The following ABCA4 variants were observed in gnomAD, a reference collection of about 807,000 sequenced individuals.
ABCA4 encodes the protein ATP binding cassette subfamily A member 4.
Under a neutral mutation model 263.7 loss-of-function variants are expected in ABCA4, and 196 were observed. The ratio of observed to expected loss-of-function variants is 0.74; its 90% CI spans 0.66 to 0.84. The LOEUF is 0.84. Ranked by LOEUF, ABCA4 falls within the 40% of genes least tolerant of loss-of-function variation. The probability of loss-of-function intolerance (pLI) is 0.00; values close to 1 mark genes in which losing one functional copy is unlikely to be tolerated. For missense variants in ABCA4, 2,792 were observed against 2,855.1 expected, an observed-to-expected ratio of 0.98 and a Z score of 0.50; for synonymous variants, 1,133 against 1,094.2, an observed-to-expected ratio of 1.04 and a Z score of -0.70.
rs746541266 is a variant in ABCA4 at position 94,032,035 on chromosome 1, G to A, written c.3871C>T (p.Gln1291Ter). Residue 1291 changes from glutamine to a stop codon, truncating the protein, a stop_gained, in exon 27 of 50, where the codon CAG (glutamine) becomes TAG (stop). Transcript: ENST00000370225. LOFTEE classifies it high-confidence loss of function. The part of the protein sequence containing the change: ...DSGPLFAGGA[Q>*]QKRENVNPRH... The stretch of plus-strand genomic sequence containing the variant: ...GGGTTGACGTTTTCTCTTTTCTGCT[G>A]AGCGCCACCTGTTTTGAGAGATTGA... 6.2e-7 allele frequency: 1 copy of A among 1,611,362 alleles called. No individual in the cohort carries two copies. The highest frequency in any genetic ancestry group is 8.5e-7 in the Non-Finnish European group (1 of 1,180,012).
At chr1:94,112,285 A>T (rs1434921808) in intron 2 of ABCA4, among the ~76,000 whole-genome samples, 3 of 152,196 alleles carry the variant, frequency 2.0e-5, no homozygotes, top group African/African-American at 7.2e-5. Flanking sequence ...ATTGTATAGC[A>T]TCTCTTGTCC....
In ABCA4 at chr1:94,021,849, G is replaced by A. The variant is rs1332875511; in HGVS notation, c.4770C>T (p.Ser1590=). 9 of 1,613,982 alleles carry A rather than the reference G, an allele frequency of 5.6e-6. No individual in the cohort carries two copies. Among genetic ancestry groups the A allele is most frequent in the Admixed American group, 1.7e-5 (1 of 60,016 alleles). The change falls in exon 33 of 50, where the codon AGC becomes AGT. Residue 1590 remains serine, a synonymous_variant. Transcript: ENST00000370225. ...LSDLGRIMNV[S]GGPITREASK... is the part of the protein sequence containing the mutation. ...AATCTCCAGTCTGTTTACATACCCC[G>A]CTCACATTCATGATCCGGCCAAGGT... is the stretch of plus-strand genomic sequence containing the variant.
chr1:94,013,736 T>G (rs1659640680), intron 38 of ABCA4, among the ~76,000 whole-genome samples: 1 of 152,186 alleles, frequency 6.6e-6, no homozygotes, highest in South Asian at 2.1e-4. Context: ...GCTTGGCAGC[T>G]CATAAAAGTG....
At position 94,014,684 on chromosome 1, in the gene ABCA4, C is replaced by A; in HGVS notation, c.5319G>T (p.Ala1773=). Residue 1773 remains alanine (A), a synonymous_variant, in exon 38 of 50, where the codon GCG becomes GCT. Coordinates refer to ENST00000370225, the MANE Select transcript of ABCA4 (RefSeq NM_000350.3). ...LVALLLLYGW[A]VIPMMYPASF... ...ATGCTGGGTACATCATGGGAATGAC[C>A]GCCCATCTGTGTGAAATGAGACAAC... is the stretch of plus-strand genomic sequence containing the variant. 6.2e-7 allele frequency: 1 copy of A among 1,614,080 alleles called. No homozygotes were observed.
chr1:94,103,509 G>T (rs1454803135), intron 4 of ABCA4, among the ~76,000 whole-genome samples: 2 of 152,168 alleles, frequency 1.3e-5, no homozygotes. Flanking sequence ...ACATTTCTGG[G>T]TGTCACAACT....
At chr1:94,087,169 A>G (rs1661853992) in intron 6 of ABCA4, among the ~76,000 whole-genome samples, 1 of 152,218 alleles carries the variant, frequency 6.6e-6, no homozygotes, top group African/African-American at 2.4e-5. Context: ...GAAGATTTCA[A>G]CATATGAATT....
intron 26 of ABCA4, among the ~76,000 whole-genome samples, chr1:94,033,383 C>T (rs117864820): frequency 3.4e-5 from 5 of 146,414 alleles, no homozygotes; most frequent in East Asian, 2.0e-4. Flanking sequence ...ATGATCGAGC[C>T]GCTGTATTCC....
chr1:94,071,906 C>G (rs953281944), intron 11 of ABCA4, among the ~76,000 whole-genome samples: 4 of 152,114 alleles, frequency 2.6e-5, no homozygotes, highest in Non-Finnish European at 5.9e-5. Flanking sequence ...TCTCACGATC[C>G]CCTGATTTCT....
chr1:94,064,895 A>G (rs1348388407), intron 11 of ABCA4, among the ~76,000 whole-genome samples: 2 of 152,102 alleles, frequency 1.3e-5, no homozygotes, highest in Non-Finnish European at 2.9e-5. Context: ...GAGCTGGGAT[A>G]TCACCTATGG....
chr1:94,045,851 C>T (rs1337756454), intron 19 of ABCA4: 2 of 456,258 alleles, frequency 4.4e-6, no homozygotes, highest in South Asian at 1.5e-5. Context: ...CACGTGGGTT[C>T]GCTGCCCCCT....
At chr1:94,021,491 A>G in intron 34 of ABCA4, 82 bp from the exon 35 acceptor site, 1 of 1,589,588 alleles carries the variant, frequency 6.3e-7, no homozygotes, top group Non-Finnish European at 8.6e-7. Context: ...AAATTTGAGA[A>G]GCAGGAAGGG....
chr1:94,089,514 T>C (rs547211), intron 6 of ABCA4, among the ~76,000 whole-genome samples: 36,983 of 150,926 alleles, frequency 0.25, 5,007 homozygotes, highest in Non-Finnish European at 0.31. Flanking sequence ...GTCGCCTAGG[T>C]GGGAGTGCAG....
chr1:94,110,733 T>C (rs539775520), intron 3 of ABCA4, among the ~76,000 whole-genome samples: 1 of 152,348 alleles, frequency 6.6e-6, no homozygotes, highest in East Asian at 1.9e-4. Context: ...CTGAGGCTAC[T>C]AACCTGGCAT....
At chr1:94,108,468 C>A in intron 4 of ABCA4, 109 bp downstream of exon 4, 1 of 1,522,150 alleles carries the variant, frequency 6.6e-7, no homozygotes. Context: ...CCCATCCCTT[C>A]CTGCCTCCGC....
chr1:94,120,703 G>A (rs1662923736), intron 1 of ABCA4, among the ~76,000 whole-genome samples: 1 of 150,702 alleles, frequency 6.6e-6, no homozygotes, highest in Admixed American at 6.6e-5. Context: ...GGGTGGGGGA[G>A]GGGCGGGCAG....
At chr1:94,061,187 G>T (rs913098103) in intron 13 of ABCA4, among the ~76,000 whole-genome samples, 2 of 152,142 alleles carry the variant, frequency 1.3e-5, no homozygotes, top group Admixed American at 6.5e-5. Flanking sequence ...GCAATAACTT[G>T]GCTCCCCAAG....
chr1:94,112,914 A>G lies in ABCA4; in HGVS notation c.160+59T>C, dbSNP rs115929775. On this transcript the variant is annotated intron_variant, in intron 2 of 49. Transcript: ENST00000370225. The stretch of plus-strand genomic sequence containing the variant: ...CACTCCCACCCCAAGATCTTTCTAG[A>G]CAAAAGGCCCAGACCAAAGTCTCTT... 2,705 of 1,353,920 alleles carry G rather than the reference A, an allele frequency of 2.0e-3. 6 individuals carry two copies. The highest frequency in any genetic ancestry group is 2.5e-3 in the Non-Finnish European group (2,404 of 942,848). The allele number at this position is 1,353,920 out of a possible 1,614,324, so 83.9% of individuals were successfully genotyped here.
chr1:94,072,026 A>C (rs931113936), intron 11 of ABCA4, among the ~76,000 whole-genome samples: 1 of 152,252 alleles, frequency 6.6e-6, no homozygotes, highest in Non-Finnish European at 1.5e-5. Flanking sequence ...TTACATGATC[A>C]GCAGCTTTAT....
chr1:94,112,212 T>G (rs936909596), intron 2 of ABCA4, among the ~76,000 whole-genome samples: 1 of 152,194 alleles, frequency 6.6e-6, no homozygotes, highest in African/African-American at 2.4e-5. Flanking sequence ...AGGCTCTCAC[T>G]AGGTTCCTTT....
Sources: allele counts gnomAD v4.1 joint callset (sites outside exome capture counted in the v4.1 genomes callset), GRCh38; gene constraint gnomAD v4.1.1; transcripts MANE v1.5; gene names NCBI Gene and HGNC (gene_info 2026-07-23, HGNC 2026-07-21).